SUGCT: variants seen among roughly 807,000 people sequenced by gnomAD.
The protein encoded by SUGCT is succinyl-CoA:glutarate CoA-transferase.
SUGCT carries 41 observed loss-of-function variants against 55.0 expected under a neutral mutation model. The observed-to-expected ratio is 0.74, with a 90% CI of 0.58 to 0.97. The LOEUF is 0.97. Among genes scored for constraint, SUGCT ranks in the 50% least tolerant of loss-of-function variants. The pLI, the probability that SUGCT is intolerant of heterozygous loss-of-function variation, is 0.00. For missense variants in SUGCT, 568 were observed against 547.8 expected (o/e 1.04, Z -0.37); for synonymous variants, 187 against 200.4 (o/e 0.93, Z 0.56).
chr7:40,822,673 G>T (rs1792084634), intron 13 of SUGCT, among the ~76,000 whole-genome samples: 1 of 152,118 alleles, frequency 6.6e-6, no homozygotes, highest in Non-Finnish European at 1.5e-5. Context: ...GGTCCCTGAG[G>T]AGCTGCAAGG....
intron 6 of SUGCT, chr7:40,217,627 T>C (rs1787751156): frequency 4.3e-6 from 1 of 231,306 alleles, no homozygotes; most frequent in Non-Finnish European, 8.9e-6. Context: ...TCCTCTGTTG[T>C]GTACTGGTAA....
intron 12 of SUGCT, among the ~76,000 whole-genome samples, chr7:40,548,186 C>CTTTTTTTTTTTTTTTTTTTTTTT (rs1186226631): frequency 2.4e-4 from 25 of 104,990 alleles, no homozygotes; most frequent in African/African-American, 3.8e-4. Context: ...TTCTTTCTTT[C>CTTTTTTTTTTTTTTTTTTTTTTT]TTTTTTTTTT....
At chr7:40,694,550 T>C (rs921323217) in intron 12 of SUGCT, among the ~76,000 whole-genome samples, 1 of 152,254 alleles carries the variant, frequency 6.6e-6, no homozygotes, top group Non-Finnish European at 1.5e-5. Context: ...ATTTTCCACA[T>C]ACTATCATTT....
chr7:40,863,383 C>T (rs1031920614), downstream of SUGCT, among the ~76,000 whole-genome samples: 2 of 152,170 alleles, frequency 1.3e-5, no homozygotes, highest in Non-Finnish European at 2.9e-5. Flanking sequence ...GCTATTTCAC[C>T]ACTGACTCTT....
At chr7:40,642,008 G>A (rs1800291971) in intron 12 of SUGCT, among the ~76,000 whole-genome samples, 1 of 152,150 alleles carries the variant, frequency 6.6e-6, no homozygotes, top group Non-Finnish European at 1.5e-5. Flanking sequence ...GTAATGTAGT[G>A]CGATGATGAT....
In SUGCT at chr7:40,366,356, G is replaced by A. The variant is rs185133068; in HGVS notation, c.816+49501G>A. Among the ~76,000 whole-genome samples, 84 of 152,190 alleles carry A rather than the reference G, an allele frequency of 5.5e-4. 1 individual carries two copies. The highest frequency in any genetic ancestry group is 3.4e-3 in the Middle Eastern group (1 of 294). On this transcript the variant is annotated intron_variant, in intron 9 of 13. Coordinates refer to ENST00000335693, the MANE Select transcript of SUGCT (RefSeq NM_001193313.2). ...TACCATTCAGGACATAGGCATGGGC[G>A]AGGACTACATGTCTAAAACACCAAA...
At chr7:40,678,541 C>T (rs905062040) in intron 12 of SUGCT, among the ~76,000 whole-genome samples, 2 of 152,086 alleles carry the variant, frequency 1.3e-5, no homozygotes, top group African/African-American at 2.4e-5. Context: ...ACTTTCCCTT[C>T]CTGGGCAAAT....
chr7:40,371,159 C>G (rs1784278334), intron 9 of SUGCT, among the ~76,000 whole-genome samples: 1 of 152,094 alleles, frequency 6.6e-6, no homozygotes, highest in Admixed American at 6.6e-5. Flanking sequence ...CTGTTTCTTA[C>G]CCAATTTTCC....
At chr7:40,989,318 T>G in the SUGCT span, among the ~76,000 whole-genome samples, 1 of 152,204 alleles carries the variant, frequency 6.6e-6, no homozygotes, top group Non-Finnish European at 1.5e-5. Flanking sequence ...CTACCACTGC[T>G]TTATCAACTT....
chr7:40,518,296 TATTAC>T (rs1793353818), intron 12 of SUGCT, among the ~76,000 whole-genome samples: 2 of 152,180 alleles, frequency 1.3e-5, no homozygotes, highest in South Asian at 4.1e-4. Flanking sequence ...GCACAATGAT[TATTAC>T]ATCCAAACAA....
At chr7:40,669,040 C>G (rs1801794784) in intron 12 of SUGCT, among the ~76,000 whole-genome samples, 13 of 152,162 alleles carry the variant, frequency 8.5e-5, no homozygotes, top group Admixed American at 8.5e-4. Flanking sequence ...TCAGTAGTAG[C>G]AAGGCCCCCT....
intron 12 of SUGCT, among the ~76,000 whole-genome samples, chr7:40,663,842 A>T (rs776162523): frequency 6.6e-6 from 1 of 152,102 alleles, no homozygotes; most frequent in Non-Finnish European, 1.5e-5. Context: ...CTTGATTTCC[A>T]CCTTTTATGG....
intron 9 of SUGCT, among the ~76,000 whole-genome samples, chr7:40,321,101 G>A (rs10269988): frequency 0.18 from 22,236 of 126,092 alleles, 1,841 homozygotes; most frequent in Middle Eastern, 0.21. Context: ...TTTTGAAGTG[G>A]AGTCTCACTC....
rs1162276350 is a variant in SUGCT, at chr7:40,859,373, TAGCTATGTGGCCTTGAG to T, written c.1154-942_1154-926del. On this transcript the variant is annotated intron_variant, in intron 13 of 13. Transcript: ENST00000335693. ...CAGATTTTCATCCAGGCCCTATGAT[TAGCTATGTGGCCTTGAG>T]CAAAACTTTAGGTTTTAGGGGTTTT... Among the ~76,000 whole-genome samples the T allele has an allele frequency of 7.9e-5, 12 of 152,320 alleles. No homozygotes were observed. The South Asian group carries it at 8.3e-4, about 11-fold the overall frequency.
chr7:40,233,960 A>G (rs1427271973), intron 6 of SUGCT, among the ~76,000 whole-genome samples: 3 of 152,136 alleles, frequency 2.0e-5, no homozygotes, highest in Non-Finnish European at 4.4e-5. Context: ...TTTTCCCTAT[A>G]CTTTACTGCT....
chr7:40,531,917 G>A (rs1042580467), intron 12 of SUGCT, among the ~76,000 whole-genome samples: 3 of 152,070 alleles, frequency 2.0e-5, no homozygotes, highest in Non-Finnish European at 4.4e-5. Context: ...CTCATGATCC[G>A]CCTGCCTCGG....
chr7:40,508,188 G>A (rs954702455), intron 12 of SUGCT, among the ~76,000 whole-genome samples: 2 of 152,140 alleles, frequency 1.3e-5, no homozygotes, highest in African/African-American at 4.8e-5. Context: ...AACTAGAAGT[G>A]GTGGTGGTGA....
At chr7:40,342,718 C>T (rs1797117404) in intron 9 of SUGCT, among the ~76,000 whole-genome samples, 1 of 151,826 alleles carries the variant, frequency 6.6e-6, no homozygotes, top group African/African-American at 2.4e-5. Context: ...TCTTGACTCA[C>T]TGCAACCTCT....
At chr7:40,340,477 G>A (rs1485516923) in intron 9 of SUGCT, among the ~76,000 whole-genome samples, 1 of 152,084 alleles carries the variant, frequency 6.6e-6, no homozygotes, top group Non-Finnish European at 1.5e-5. Flanking sequence ...ATTTTTAAAA[G>A]TCTGTAACTT....
Sources: allele counts gnomAD v4.1 joint callset (sites outside exome capture counted in the v4.1 genomes callset), GRCh38; gene constraint gnomAD v4.1.1; transcripts MANE v1.5; gene names NCBI Gene and HGNC (gene_info 2026-07-23, HGNC 2026-07-21).